The following DOCK2 variants were observed in gnomAD, a reference collection of about 807,000 sequenced individuals.
DOCK2 encodes the protein dedicator of cytokinesis protein 2.
Under a neutral mutation model 248.9 loss-of-function variants are expected in DOCK2, and 87 were observed. That is an observed-to-expected ratio of 0.35 (90% CI 0.29 to 0.42). The LOEUF (loss-of-function observed/expected upper bound fraction) is 0.42, where lower values mean the gene tolerates loss of function less well. DOCK2 is among the 10% of genes least tolerant of loss of function. DOCK2 has a pLI of 1.00. For synonymous variants in DOCK2, 805 were observed against 821.6 expected (o/e 0.98, Z 0.35); for missense variants, 1,747 against 2,300.2 (o/e 0.76, Z 4.92).
At chr5:169,659,844 G>T (rs1384162838) in intron 2 of DOCK2, among the ~76,000 whole-genome samples, 1 of 152,154 alleles carries the variant, frequency 6.6e-6, no homozygotes, top group African/African-American at 2.4e-5. Flanking sequence ...ACAAAAAAAA[G>T]CAGTGTTATT....
In DOCK2 at chr5:169,913,263, G is replaced by A. The variant is rs114828133; in HGVS notation, c.2800-69805G>A. Among the ~76,000 whole-genome samples the A allele has an allele frequency of 1.9e-3, 292 of 152,306 alleles. 3 individuals carry two copies. Among genetic ancestry groups the A allele is most frequent in the African/African-American group, 4.3e-3 (177 of 41,568 alleles). On this transcript the variant is annotated intron_variant, in intron 27 of 51. Transcript: ENST00000520908. ...CTATTCGGCTCTACTCATCCCAAGA[G>A]TAGAGATAATCTTTCTCTTTGTACA...
chr5:169,812,129 G>A (rs1017130792), intron 26 of DOCK2, among the ~76,000 whole-genome samples: 1 of 152,210 alleles, frequency 6.6e-6, no homozygotes, highest in African/African-American at 2.4e-5. Flanking sequence ...ACAGCAGGAG[G>A]TGAGCAGCTG....
intron 23 of DOCK2, among the ~76,000 whole-genome samples, chr5:169,752,124 G>T (rs1322721452): frequency 4.6e-5 from 7 of 152,152 alleles, no homozygotes; most frequent in African/African-American, 1.4e-4. Flanking sequence ...CAGATTCAGA[G>T]GGTCAACACC....
intron 27 of DOCK2, among the ~76,000 whole-genome samples, chr5:169,843,108 T>C (rs1043774698): frequency 4.6e-5 from 7 of 152,210 alleles, no homozygotes; most frequent in African/African-American, 1.7e-4. Context: ...CCAGCCAAAA[T>C]GGATGTCTGG....
intron 23 of DOCK2, among the ~76,000 whole-genome samples, chr5:169,749,133 T>C (rs197167): frequency 0.12 from 18,122 of 152,290 alleles, 1,442 homozygotes; most frequent in African/African-American, 0.21. Flanking sequence ...TATTTGAACA[T>C]AACTTTAAAT....
Position 169,768,721 on chromosome 5 carries a change from G to GA in DOCK2, c.2554+7098dup, listed in dbSNP as rs772147415. The stretch of plus-strand genomic sequence containing the variant: ...GAGGCTCTGCTTCTGAGACTGTTCA[G>GA]AAGGAAAAGGCAGTTAGGAGAACAA... On this transcript the variant is annotated intron_variant, in intron 25 of 51. Coordinates refer to ENST00000520908, the MANE Select transcript of DOCK2 (RefSeq NM_004946.3). Among the ~76,000 whole-genome samples the GA allele has an allele frequency of 6.6e-5, 10 of 152,346 alleles. No homozygotes were observed. The East Asian group carries it at 1.9e-3, about 29-fold the overall frequency.
intron 32 of DOCK2, 60 bp downstream of exon 32, chr5:170,008,806 A>G: frequency 6.2e-7 from 1 of 1,603,090 alleles, no homozygotes; most frequent in Non-Finnish European, 8.5e-7. Flanking sequence ...CTTCTTAAAG[A>G]CCATCTGTTG....
At position 170,064,062 on chromosome 5, in the gene DOCK2, C is replaced by CA. The variant is rs1187675197; in HGVS notation, c.4468-3442dup. Reference sequence around the variant, plus strand: ...GCACATCCTAAACTATAGGGGTCTACAAAAAACAGAGACAGCAGTCTGGAC... The same window carrying CA: ...GCACATCCTAAACTATAGGGGTCTACAAAAAAACAGAGACAGCAGTCTGGAC... On this transcript the variant is annotated intron_variant, in intron 44 of 51. Transcript: ENST00000520908. 2.6e-5 allele frequency among the ~76,000 whole-genome samples: 4 copies of CA among 152,168 alleles called. No individual in the cohort carries two copies. In the East Asian group the frequency reaches 7.7e-4, roughly 29 times the overall value.
chr5:169,752,336 C>T (rs1430642689), intron 23 of DOCK2, among the ~76,000 whole-genome samples: 1 of 152,180 alleles, frequency 6.6e-6, no homozygotes, highest in African/African-American at 2.4e-5. Flanking sequence ...GCTAATGAAG[C>T]CCCTGGAGTG....
chr5:169,925,494 C>T (rs975951237), intron 27 of DOCK2, among the ~76,000 whole-genome samples: 3 of 147,376 alleles, frequency 2.0e-5, no homozygotes, highest in Non-Finnish European at 3.0e-5. Flanking sequence ...GCAGAAGAAT[C>T]GCTTGAACCC....
intron 27 of DOCK2, among the ~76,000 whole-genome samples, chr5:169,948,013 C>T (rs1381287991): frequency 6.6e-6 from 1 of 152,148 alleles, no homozygotes; most frequent in Non-Finnish European, 1.5e-5. Flanking sequence ...TCCTCTCAGG[C>T]CTTTCCTCTG....
intron 36 of DOCK2, 154 bp from the exon 37 acceptor site, chr5:170,040,901 G>A: frequency 1.5e-6 from 1 of 650,644 alleles, no homozygotes. Flanking sequence ...ACTAGGTGCT[G>A]TCATTACCCA....
intron 22 of DOCK2, among the ~76,000 whole-genome samples, chr5:169,738,151 G>A (rs2113653923): frequency 6.6e-6 from 1 of 152,340 alleles, no homozygotes; most frequent in South Asian, 2.1e-4. Flanking sequence ...TGTTACAGAT[G>A]TCTTCTGTGT....
At chr5:169,656,481 G>A (rs889392399) in intron 2 of DOCK2, among the ~76,000 whole-genome samples, 8 of 152,056 alleles carry the variant, frequency 5.3e-5, no homozygotes, top group Non-Finnish European at 4.4e-5. Context: ...GTGCCACCAC[G>A]CCTGTATTTT....
intron 27 of DOCK2, among the ~76,000 whole-genome samples, chr5:169,960,213 G>T (rs956329570): frequency 5.3e-5 from 8 of 152,216 alleles, no homozygotes; most frequent in African/African-American, 1.9e-4. Flanking sequence ...AGGAAATAAT[G>T]TAGTTCCTAC....
At position 169,712,991 on chromosome 5, in the gene DOCK2, C is replaced by T. The variant is rs544279267; in HGVS notation, c.1659+768C>T. On this transcript the variant is annotated intron_variant, in intron 17 of 51. Coordinates refer to ENST00000520908, the MANE Select transcript of DOCK2 (RefSeq NM_004946.3). ...CCAGCACATGGATCACACCCTTGCC[C>T]TTGGCTTTCTTAGCCTTGTAGGCTG... Among the ~76,000 whole-genome samples the T allele has an allele frequency of 4.3e-3, 656 of 152,364 alleles. 3 individuals carry two copies. Among genetic ancestry groups the T allele is most frequent in the African/African-American group, 0.015 (622 of 41,580 alleles).
intron 22 of DOCK2, among the ~76,000 whole-genome samples, chr5:169,742,051 C>T (rs780587483): frequency 2.0e-5 from 3 of 151,972 alleles, no homozygotes; most frequent in African/African-American, 7.3e-5. Context: ...CTCCTGACCT[C>T]GTGATCTGCC....
chr5:169,864,365 G>A (rs1383239158), intron 27 of DOCK2: 3 of 1,551,568 alleles, frequency 1.9e-6, no homozygotes, highest in Non-Finnish European at 2.6e-6. Flanking sequence ...GGGGACTTTG[G>A]TGGGGGCGAT....
intron 22 of DOCK2, among the ~76,000 whole-genome samples, chr5:169,739,630 G>A (rs1023397993): frequency 2.6e-5 from 4 of 152,136 alleles, no homozygotes; most frequent in African/African-American, 7.2e-5. Context: ...AGCTTTGCAC[G>A]TGTGTCTGCG....
Sources: gnomAD v4.1 joint callset for allele counts (sites outside exome capture counted in the v4.1 genomes callset) on GRCh38, gnomAD v4.1.1 for gene constraint, MANE v1.5 for transcripts, NCBI Gene and HGNC (gene_info 2026-07-23, HGNC 2026-07-21) for gene names.